Variants in DCBLD1 observed in about 807,000 individuals in gnomAD.
DCBLD1 encodes the protein discoidin, CUB and LCCL domain-containing protein 1.
Under a neutral mutation model 71.5 loss-of-function variants are expected in DCBLD1, and 57 were observed. The ratio of observed to expected loss-of-function variants is 0.80; its 90% confidence interval spans 0.64 to 0.99. DCBLD1 has a LOEUF of 0.99. Ranked by LOEUF, DCBLD1 falls within the 50% of genes least tolerant of loss-of-function variation. The pLI is 0.00. For synonymous variants in DCBLD1, 380 were observed against 363.8 expected, an observed-to-expected ratio of 1.04 and a Z score of -0.51; for missense variants, 891 against 923.5, an observed-to-expected ratio of 0.96 and a Z score of 0.46.
At chr6:117,499,450 A>G (rs1039696387) in intron 1 of DCBLD1, among the ~76,000 whole-genome samples, 2 of 151,990 alleles carry the variant, frequency 1.3e-5, no homozygotes, top group African/African-American at 4.8e-5. Flanking sequence ...CAGGATAACA[A>G]AATGCAAAGA....
At chr6:117,483,434 G>T (rs1185055359) in intron 1 of DCBLD1, among the ~76,000 whole-genome samples, 2 of 152,226 alleles carry the variant, frequency 1.3e-5, no homozygotes, top group African/African-American at 2.4e-5. Flanking sequence ...TGCCGAGGTT[G>T]GCCTTGGACG....
At chr6:117,512,100 C>T (rs1389335829) in intron 2 of DCBLD1, among the ~76,000 whole-genome samples, 2 of 152,114 alleles carry the variant, frequency 1.3e-5, no homozygotes, top group Admixed American at 6.5e-5. Flanking sequence ...TGGGTTCCTC[C>T]TCCTCTTTCC....
chr6:117,532,830 A>T (rs893587763), intron 6 of DCBLD1, among the ~76,000 whole-genome samples: 1 of 152,222 alleles, frequency 6.6e-6, no homozygotes, highest in Admixed American at 6.5e-5. Flanking sequence ...AAGTGAAGAA[A>T]GATGGCCTTT....
At position 117,528,351 on chromosome 6, in the gene DCBLD1, T is replaced by A. The variant is rs575325261; in HGVS notation, c.585+2917T>A. Among the ~76,000 whole-genome samples, 4 of 152,360 alleles carry A rather than the reference T, an allele frequency of 2.6e-5. No individual in the cohort carries two copies. The South Asian group carries it at 6.2e-4, about 24-fold the overall frequency. ...GGAAAGGGGAATATATTTGATAATT[T>A]AACATTTTGCTATCATTCCACCAAC... On this transcript the variant is annotated intron_variant, in intron 5 of 14. Coordinates refer to ENST00000338728, the MANE Select transcript of DCBLD1 (RefSeq NM_001366458.2).
At chr6:117,494,790 G>C (rs1238317952) in intron 1 of DCBLD1, 2 of 152,120 alleles carry the variant, frequency 1.3e-5, no homozygotes, top group Non-Finnish European at 2.9e-5. Flanking sequence ...CTCCACGTAA[G>C]ATCTTCAATC....
rs142950449 is a variant in DCBLD1, at chr6:117,502,288, C to T, written c.113-1479C>T. On this transcript the variant is annotated intron_variant, in intron 1 of 14. Coordinates refer to ENST00000338728, the MANE Select transcript of DCBLD1 (RefSeq NM_001366458.2). ...TATCTTGGCTGTCTAAAGTTCCCCC[C>T]GGCACTTCTTAACCCATTGGTCCAT... Among the ~76,000 whole-genome samples, 264 of 152,234 alleles carry T rather than the reference C, an allele frequency of 1.7e-3. 2 individuals carry two copies. Among genetic ancestry groups the T allele is most frequent in the African/African-American group, 5.6e-3 (231 of 41,550 alleles).
chr6:117,561,966 T>A (rs979458270), intron 14 of DCBLD1: 4 of 207,344 alleles, frequency 1.9e-5, no homozygotes, highest in Non-Finnish European at 3.9e-5. Flanking sequence ...CTGATAATAT[T>A]CTAAAAGCCT....
downstream of DCBLD1, among the ~76,000 whole-genome samples, chr6:117,550,815 A>G (rs977466074): frequency 1.3e-5 from 2 of 152,212 alleles, no homozygotes; most frequent in Non-Finnish European, 2.9e-5. Context: ...CTTATCTTGC[A>G]TTCATGCACG....
chr6:117,494,102 T>C (rs575025246), intron 1 of DCBLD1, among the ~76,000 whole-genome samples: 1 of 152,340 alleles, frequency 6.6e-6, no homozygotes, highest in Admixed American at 6.5e-5. Context: ...TTACAATGAA[T>C]GTTTGGTAAA....
chr6:117,540,749 G>T lies in DCBLD1; in HGVS notation c.1183G>T (p.Val395Phe), dbSNP rs769892749. 9.3e-6 allele frequency: 15 copies of T among 1,614,226 alleles called. No individual in the cohort carries two copies. Among genetic ancestry groups the T allele is most frequent in the African/African-American group, 1.3e-5 (1 of 75,060 alleles). ...PPIVARYVRV[V>F]PQTWHQRIAL... ...CATCGTGGCCAGATATGTGCGGGTT[G>T]TCCCCCAGACATGGCACCAGAGGAT... The change falls in exon 10 of 15, where the codon GTC (valine) becomes TTC (phenylalanine). Residue 395 changes from valine to phenylalanine, a missense_variant. Coordinates refer to ENST00000338728, the MANE Select transcript of DCBLD1 (RefSeq NM_001366458.2).
At chr6:117,510,233 G>A (rs114667250) in intron 2 of DCBLD1, among the ~76,000 whole-genome samples, 6 of 151,934 alleles carry the variant, frequency 3.9e-5, no homozygotes, top group South Asian at 2.1e-4. Context: ...TGCATCATAC[G>A]GTTTCATGGC....
At position 117,520,222 on chromosome 6, in the gene DCBLD1, T is replaced by TA. The variant is rs200811635; in HGVS notation, c.460+280dup. 1.6e-3 allele frequency among the ~76,000 whole-genome samples: 240 copies of TA among 152,160 alleles called. 4 individuals are homozygous for TA. The East Asian group carries it at 0.031, about 19-fold the overall frequency. On this transcript the variant is annotated intron_variant, in intron 3 of 14. Coordinates refer to ENST00000338728, the MANE Select transcript of DCBLD1 (RefSeq NM_001366458.2). ...AATACACTAACAATAGCTGATGAGC[T>TA]AAAAAAAATTTGCAAAAAATTTTTA...
At chr6:117,561,180 GT>G (rs1779577493) in intron 14 of DCBLD1, 2 of 223,460 alleles carry the variant, frequency 9.0e-6, no homozygotes, top group Non-Finnish European at 8.9e-6. Context: ...CTATTTATCA[GT>G]CCTTAAAAGG....
At chr6:117,537,662 C>CTTTT (rs68032011) in intron 7 of DCBLD1, among the ~76,000 whole-genome samples, 2 of 46,880 alleles carry the variant, frequency 4.3e-5, no homozygotes, top group Non-Finnish European at 7.4e-5. Context: ...TACATAGCAC[C>CTTTT]TTTTTTTTTT....
intron 1 of DCBLD1, among the ~76,000 whole-genome samples, chr6:117,501,716 C>A (rs532885063): frequency 6.6e-6 from 1 of 152,298 alleles, no homozygotes; most frequent in South Asian, 2.1e-4. Flanking sequence ...GATTTCAAAT[C>A]AAAGCCCCGT....
At chr6:117,542,160 G>A (rs1477716634) in intron 11 of DCBLD1, among the ~76,000 whole-genome samples, 1 of 152,026 alleles carries the variant, frequency 6.6e-6, no homozygotes, top group Non-Finnish European at 1.5e-5. Flanking sequence ...GGGCGTGGCA[G>A]CATGCGCCTG....
intron 6 of DCBLD1, among the ~76,000 whole-genome samples, chr6:117,536,471 C>G (rs887794059): frequency 6.6e-6 from 1 of 152,190 alleles, no homozygotes; most frequent in African/African-American, 2.4e-5. Flanking sequence ...CTGAAGGAGA[C>G]AACTGCAGAA....
At chr6:117,521,448 T>G in intron 3 of DCBLD1, 77 bp from the exon 4 acceptor site, 1 of 1,272,110 alleles carries the variant, frequency 7.9e-7, no homozygotes, top group South Asian at 1.3e-5. Context: ...CTCTTTTATT[T>G]TAAAAGAAAG....
At chr6:117,540,523 G>A (rs1375795747) in intron 9 of DCBLD1, 145 bp from the exon 10 acceptor site, 23 of 918,096 alleles carry the variant, frequency 2.5e-5, no homozygotes, top group South Asian at 3.5e-5. Flanking sequence ...GCAAAGCCTC[G>A]TATCTTCAAT....
Sources: allele counts gnomAD v4.1 joint callset (sites outside exome capture counted in the v4.1 genomes callset), GRCh38; gene constraint gnomAD v4.1.1; transcripts MANE v1.5; gene names NCBI Gene and HGNC (gene_info 2026-07-23, HGNC 2026-07-21).